Variants in DGCR2 observed in about 807,000 individuals in gnomAD.
DGCR2 encodes DiGeorge syndrome critical region gene 2, also known as integral membrane protein DGCR2/IDD.
Under a neutral mutation model 51.6 loss-of-function variants are expected in DGCR2, and 24 were observed. The ratio of observed to expected loss-of-function variants is 0.47; its 90% CI spans 0.34 to 0.65. The LOEUF is 0.65. DGCR2 is among the 30% of genes least tolerant of loss of function. The probability of loss-of-function intolerance (pLI) is 0.01; values close to 1 mark genes in which losing one functional copy is unlikely to be tolerated. For missense variants in DGCR2, 765 were observed against 772.1 expected, an observed-to-expected ratio of 0.99 and a Z score of 0.11; for synonymous variants, 340 against 315.4, an observed-to-expected ratio of 1.08 and a Z score of -0.82.
intron 7 of DGCR2, among the ~76,000 whole-genome samples, chr22:19,044,977 G>C (rs1450860355): frequency 7.0e-6 from 1 of 142,268 alleles, no homozygotes; most frequent in African/African-American, 2.8e-5. Context: ...TTTCAATTTT[G>C]ATGAAGCCAA....
At chr22:19,102,441 G>A (rs756759728) in intron 1 of DGCR2, among the ~76,000 whole-genome samples, 16 of 152,124 alleles carry the variant, frequency 1.1e-4, no homozygotes, top group Admixed American at 2.0e-4. Flanking sequence ...GGTGGCTCAC[G>A]CCTGTAATCC....
At chr22:19,099,226 G>T (rs1332410247) in intron 1 of DGCR2, among the ~76,000 whole-genome samples, 1 of 152,214 alleles carries the variant, frequency 6.6e-6, no homozygotes, top group Admixed American at 6.5e-5. Flanking sequence ...ATCCAGCACA[G>T]CACACCAGAT....
chr22:19,060,922 C>T (rs367781086), intron 5 of DGCR2: 10 of 504,744 alleles, frequency 2.0e-5, no homozygotes, highest in South Asian at 8.7e-5. Context: ...GCATAGTAAG[C>T]GTCTATGTAC....
chr22:19,041,266 G>A lies in DGCR2; in HGVS notation c.1188C>T (p.Ile396=). ...NLHHFNLGRR[I]PGFDYGPDGF... is the part of the protein sequence containing the mutation. ...CGTCTGGGCCGTAATCAAAGCCAGG[G>A]ATCCTGCGGCCGAGGTTGAAGTGGT... Residue 396 remains isoleucine (I), a synonymous_variant, in exon 9 of 10, where the codon ATC becomes ATT. Transcript: ENST00000263196. 6.2e-7 allele frequency: 1 copy of A among 1,614,108 alleles called. No individual in the cohort carries two copies. Among genetic ancestry groups the A allele is most frequent in the Non-Finnish European group, 8.5e-7 (1 of 1,180,006 alleles).
chr22:19,084,685 C>A (rs2082989937), intron 2 of DGCR2, among the ~76,000 whole-genome samples: 4 of 112,526 alleles, frequency 3.6e-5, no homozygotes, highest in African/African-American at 1.2e-4. Flanking sequence ...CAGCCCCCGC[C>A]CGGCCAGCTG....
intron 1 of DGCR2, among the ~76,000 whole-genome samples, chr22:19,110,566 GTAT>G (rs2083303624): frequency 1.3e-5 from 2 of 151,874 alleles, no homozygotes; most frequent in African/African-American, 4.8e-5. Flanking sequence ...CATGGCACAT[GTAT>G]GCCTATGTAA....
intron 5 of DGCR2, among the ~76,000 whole-genome samples, chr22:19,062,755 G>C (rs974422302): frequency 2.9e-5 from 4 of 136,332 alleles, no homozygotes; most frequent in Non-Finnish European, 5.0e-5. Flanking sequence ...TAAAATCTTT[G>C]CGCACACACA....
In DGCR2 at chr22:19,037,418, AC is replaced by A. The variant is rs2082382239; in HGVS notation, c.*1446del. The A allele has an allele frequency of 6.6e-6, 1 of 152,080 alleles. No homozygotes were observed. Among genetic ancestry groups the A allele is most frequent in the Non-Finnish European group, 1.5e-5 (1 of 68,060 alleles). The allele number at this position is 152,080 out of a possible 1,614,324, so 9.4% of individuals were successfully genotyped here. On this transcript the variant is annotated 3_prime_UTR_variant, in exon 10 of 10. Transcript: ENST00000263196. ...TGCATGGAGTCCATCCCCGAGCAGC[AC>A]CACAGAACTGCATGCTTCAGACAGG...
Position 19,068,009 on chromosome 22 carries a change from C to T in DGCR2, c.328+91G>A. 3 of 1,421,508 alleles carry T rather than the reference C, an allele frequency of 2.1e-6. No homozygotes were observed. In the South Asian group the frequency reaches 4.7e-5, roughly 23 times the overall value. 88.1% of individuals were successfully genotyped at this position (1,421,508 alleles called of 1,614,324 possible). On this transcript the variant is annotated intron_variant, in intron 3 of 9. Transcript: ENST00000263196. Reference sequence around the variant, plus strand: ...GGCCTCCAAGGGCTGCTTTGAGAAACCCCTCACGCAGCACAGTAGTGCTGG... The same window carrying T: ...GGCCTCCAAGGGCTGCTTTGAGAAATCCCTCACGCAGCACAGTAGTGCTGG...
chr22:19,054,840 C>T (rs975049590), intron 6 of DGCR2, among the ~76,000 whole-genome samples: 1 of 151,824 alleles, frequency 6.6e-6, no homozygotes, highest in African/African-American at 2.4e-5. Context: ...CGGTGGCTCA[C>T]ACCTATAATC....
chr22:19,040,542 G>A (rs1414027669), intron 9 of DGCR2, among the ~76,000 whole-genome samples: 4 of 152,190 alleles, frequency 2.6e-5, no homozygotes, highest in South Asian at 2.1e-4. Flanking sequence ...GAGGAATGGC[G>A]CCCACTCTCA....
chr22:19,063,600 C>T (rs2082713174), intron 4 of DGCR2, among the ~76,000 whole-genome samples: 1 of 151,588 alleles, frequency 6.6e-6, no homozygotes. Flanking sequence ...CCACCCGCCT[C>T]GGCTTCCCAA....
chr22:19,116,638 A>G (rs188619963), intron 1 of DGCR2, among the ~76,000 whole-genome samples: 33 of 152,324 alleles, frequency 2.2e-4, no homozygotes, highest in African/African-American at 7.7e-4. Context: ...ATCTAATAGC[A>G]TACCAAGGAA....
intron 2 of DGCR2, among the ~76,000 whole-genome samples, chr22:19,084,374 C>G (rs966647935): frequency 1.3e-5 from 2 of 151,988 alleles, no homozygotes; most frequent in African/African-American, 4.8e-5. Context: ...CGGCCACGAC[C>G]CCGTCTGGGA....
chr22:19,111,043 C>T (rs932657705), intron 1 of DGCR2, among the ~76,000 whole-genome samples: 4 of 152,100 alleles, frequency 2.6e-5, no homozygotes, highest in African/African-American at 9.7e-5. Context: ...ACCTTTTCCT[C>T]ATCTTTTACT....
In DGCR2 at chr22:19,041,368, C is replaced by G. The variant is rs547568433; in HGVS notation, c.1160-74G>C. On this transcript the variant is annotated intron_variant, in intron 8 of 9. Coordinates refer to ENST00000263196, the MANE Select transcript of DGCR2 (RefSeq NM_005137.3). ...CAGGCTGCCTGGCTCCTGAGCCCCC[C>G]ACCCCCAGGCTGGGCCTGCCGTCCC... 8 of 1,474,492 alleles carry G rather than the reference C, an allele frequency of 5.4e-6. No homozygotes were observed. In the East Asian group the frequency reaches 1.1e-4, roughly 21 times the overall value. 91.3% of individuals were successfully genotyped at this position (1,474,492 alleles called of 1,614,324 possible).
chr22:19,062,685 T>C (rs1338436078), intron 5 of DGCR2, among the ~76,000 whole-genome samples: 3 of 151,706 alleles, frequency 2.0e-5, no homozygotes, highest in Non-Finnish European at 1.5e-5. Flanking sequence ...CCAGGGAATG[T>C]AAAGGAAACA....
chr22:19,084,812 G>C (rs1324858342), intron 2 of DGCR2, among the ~76,000 whole-genome samples: 65 of 148,792 alleles, frequency 4.4e-4, no homozygotes, highest in African/African-American at 1.6e-3. Context: ...AGGAGGTGGG[G>C]GGGCGCCTCC....
chr22:19,052,283 G>A (rs1244365357), intron 6 of DGCR2, among the ~76,000 whole-genome samples: 1 of 124,746 alleles, frequency 8.0e-6, no homozygotes, highest in Non-Finnish European at 1.9e-5. Context: ...GGGCGTAGTG[G>A]CACATGCCTG....
Sources: allele counts gnomAD v4.1 joint callset (sites outside exome capture counted in the v4.1 genomes callset), GRCh38; gene constraint gnomAD v4.1.1; transcripts MANE v1.5; gene names NCBI Gene and HGNC (gene_info 2026-07-23, HGNC 2026-07-21).